Variants in DCDC2 observed in about 807,000 individuals in gnomAD.
The protein encoded by DCDC2 is doublecortin domain containing 2, also known as doublecortin domain-containing protein 2.
A neutral mutation model predicts 50.2 loss-of-function variants in DCDC2; 40 were observed. The observed-to-expected ratio is 0.80, with a 90% CI of 0.62 to 1.04. DCDC2 has a LOEUF of 1.04. Ranked by LOEUF, DCDC2 falls within the 50% of genes least tolerant of loss-of-function variation. The pLI is 0.00. For missense variants in DCDC2, 570 were observed against 581.9 expected, an observed-to-expected ratio of 0.98 and a Z score of 0.21; for synonymous variants, 234 against 210.6, an observed-to-expected ratio of 1.11 and a Z score of -0.96.
At chr6:24,243,668 C>T (rs567699163) in intron 7 of DCDC2, among the ~76,000 whole-genome samples, 8 of 152,274 alleles carry the variant, frequency 5.3e-5, no homozygotes, top group African/African-American at 1.9e-4. Flanking sequence ...CAGACATGAC[C>T]TGTGCTCACA....
intron 7 of DCDC2, among the ~76,000 whole-genome samples, chr6:24,259,012 C>T (rs1270086531): frequency 6.6e-6 from 1 of 152,134 alleles, no homozygotes; most frequent in Non-Finnish European, 1.5e-5. Context: ...AGTCTTTCCT[C>T]GAAATTCCTT....
At chr6:24,262,710 T>C (rs78747366) in intron 7 of DCDC2, among the ~76,000 whole-genome samples, 5,469 of 152,302 alleles carry the variant, frequency 0.036, 218 homozygotes, top group African/African-American at 0.1. Flanking sequence ...CCTGATGCAC[T>C]CATCCAGGCC....
At chr6:24,267,013 A>C (rs544289380) in intron 7 of DCDC2, among the ~76,000 whole-genome samples, 39 of 152,322 alleles carry the variant, frequency 2.6e-4, no homozygotes, top group African/African-American at 8.2e-4. Flanking sequence ...ATCAACATGG[A>C]TGGAACTGGA....
At chr6:24,344,359 T>C (rs1371072010) in intron 2 of DCDC2, among the ~76,000 whole-genome samples, 1 of 152,230 alleles carries the variant, frequency 6.6e-6, no homozygotes, top group African/African-American at 2.4e-5. Flanking sequence ...CTTTTCCTAT[T>C]TTTTTCTGAA....
At chr6:24,248,844 C>T (rs1283341565) in intron 7 of DCDC2, among the ~76,000 whole-genome samples, 2 of 152,140 alleles carry the variant, frequency 1.3e-5, no homozygotes, top group Non-Finnish European at 2.9e-5. Flanking sequence ...TAGGGAATCA[C>T]TAATAAGATG....
At chr6:24,242,049 C>T (rs1247429391) in intron 7 of DCDC2, among the ~76,000 whole-genome samples, 1 of 152,058 alleles carries the variant, frequency 6.6e-6, no homozygotes, top group African/African-American at 2.4e-5. Flanking sequence ...GTGGTGCATG[C>T]CTGTAGTCCC....
At chr6:24,375,990 C>G in the DCDC2 span, among the ~76,000 whole-genome samples, 1 of 151,686 alleles carries the variant, frequency 6.6e-6, no homozygotes, top group South Asian at 2.1e-4. Flanking sequence ...GTGGACCCAT[C>G]AGAAATGTAT....
At chr6:24,252,391 C>T (rs1480361071) in intron 7 of DCDC2, among the ~76,000 whole-genome samples, 1 of 152,148 alleles carries the variant, frequency 6.6e-6, no homozygotes, top group Non-Finnish European at 1.5e-5. Context: ...GCTGATGGAG[C>T]TGATTGGCTC....
chr6:24,220,532 G>A (rs2113774046), intron 7 of DCDC2, among the ~76,000 whole-genome samples: 1 of 152,256 alleles, frequency 6.6e-6, no homozygotes, highest in South Asian at 2.1e-4. Context: ...CACAAATTAT[G>A]CAGTCAGCCC....
In DCDC2 at chr6:24,204,898, T is replaced by A. The variant is rs1240891429; in HGVS notation, c.1023+104A>T. The A allele has an allele frequency of 2.8e-6, 3 of 1,055,490 alleles. No individual in the cohort carries two copies. In the African/African-American group the frequency reaches 4.8e-5, roughly 17 times the overall value. The allele number at this position is 1,055,490 out of a possible 1,614,324, so 65.4% of individuals were successfully genotyped here. ...ATCAGCCACATAGTACCTTAGAGGGTTTAATTCATACAGGTATAGGAACAA... is the reference window on the plus strand; with the variant it reads ...ATCAGCCACATAGTACCTTAGAGGGATTAATTCATACAGGTATAGGAACAA... On this transcript the variant is annotated intron_variant, in intron 8 of 9. Coordinates refer to ENST00000378454, the MANE Select transcript of DCDC2 (RefSeq NM_016356.5).
At chr6:24,376,683 C>T in the DCDC2 span, among the ~76,000 whole-genome samples, 1 of 133,882 alleles carries the variant, frequency 7.5e-6, no homozygotes, top group African/African-American at 3.0e-5. Flanking sequence ...CATTTTACCT[C>T]CAGTATGAAA....
intron 2 of DCDC2, among the ~76,000 whole-genome samples, chr6:24,306,396 AT>A (rs1680744460): frequency 6.6e-6 from 1 of 152,112 alleles, no homozygotes; most frequent in South Asian, 2.1e-4. Flanking sequence ...TTATTTCAAT[AT>A]TGAGAAGTAG....
chr6:24,354,821 A>G (rs1191893239), intron 1 of DCDC2, among the ~76,000 whole-genome samples: 22 of 152,182 alleles, frequency 1.4e-4, no homozygotes. Flanking sequence ...TTTGAAATAA[A>G]TAAGGGTTTA....
intron 7 of DCDC2, among the ~76,000 whole-genome samples, chr6:24,252,853 C>T (rs564998778): frequency 6.3e-4 from 96 of 152,238 alleles, no homozygotes; most frequent in African/African-American, 2.1e-3. Context: ...TGTTCACTCA[C>T]CACAGTGGAA....
At chr6:24,264,444 TTATAAA>T (rs1292361362) in intron 7 of DCDC2, among the ~76,000 whole-genome samples, 1 of 151,818 alleles carries the variant, frequency 6.6e-6, no homozygotes, top group Non-Finnish European at 1.5e-5. Flanking sequence ...GTATAACAAA[TTATAAA>T]TAGAAATAAT....
At chr6:24,262,044 G>A (rs550373782) in intron 7 of DCDC2, among the ~76,000 whole-genome samples, 92 of 152,170 alleles carry the variant, frequency 6.0e-4, no homozygotes, top group Non-Finnish European at 1.1e-3. Context: ...CAATCACAGT[G>A]CCTGGTTTTA....
intron 7 of DCDC2, among the ~76,000 whole-genome samples, chr6:24,223,958 A>C (rs1395016826): frequency 1.3e-5 from 2 of 152,212 alleles, no homozygotes; most frequent in South Asian, 2.1e-4. Flanking sequence ...TTCTATTTCT[A>C]ATGACCTTGA....
intron 7 of DCDC2, among the ~76,000 whole-genome samples, chr6:24,276,171 A>T (rs1423547883): frequency 6.6e-6 from 1 of 152,092 alleles, no homozygotes; most frequent in African/African-American, 2.4e-5. Flanking sequence ...ACCAGCCAAT[A>T]ATTCAACTTT....
intron 8 of DCDC2, among the ~76,000 whole-genome samples, chr6:24,194,621 A>C (rs181853050): frequency 1.6e-4 from 25 of 152,272 alleles, no homozygotes; most frequent in African/African-American, 5.5e-4. Context: ...AGTTTACTTA[A>C]TTAAAATGGA....
Sources: allele counts gnomAD v4.1 joint callset (sites outside exome capture counted in the v4.1 genomes callset), GRCh38; gene constraint gnomAD v4.1.1; transcripts MANE v1.5; gene names NCBI Gene and HGNC (gene_info 2026-07-23, HGNC 2026-07-21).